CEP126: variants seen among roughly 807,000 people sequenced by gnomAD.
The protein encoded by CEP126 is centrosomal protein 126, also known as centrosomal protein of 126 kDa.
In CEP126, 74 loss-of-function variants were observed where a neutral mutation model predicts 107.8. The observed-to-expected ratio is 0.69, with a 90% CI of 0.57 to 0.83. The LOEUF is 0.83. CEP126 is among the 40% of genes least tolerant of loss of function. The pLI is 0.00. For synonymous variants in CEP126, 449 were observed against 446.0 expected (o/e 1.01, Z -0.08); for missense variants, 1,237 against 1,281.9 (o/e 0.96, Z 0.53).
intron 7 of CEP126, among the ~76,000 whole-genome samples, chr11:101,981,440 C>T (rs1303498753): frequency 4.6e-5 from 7 of 152,234 alleles, no homozygotes; most frequent in African/African-American, 1.4e-4. Context: ...ACCACAGGCA[C>T]GTGCCACAAC....
chr11:101,923,692 T>G (rs1386515373), intron 2 of CEP126, among the ~76,000 whole-genome samples: 1 of 152,174 alleles, frequency 6.6e-6, no homozygotes, highest in African/African-American at 2.4e-5. Context: ...TTCTCCTACC[T>G]TTGGGCTCCT....
chr11:101,978,477 C>A lies in CEP126; in HGVS notation c.2958+18C>A. On this transcript the variant is annotated intron_variant, in intron 7 of 10. Transcript: ENST00000263468. ...AAATTAATGTAAGTATGGTATTAAT[C>A]AAAATCTCTATTCAATATTTAAAAA... 1 of 1,462,588 alleles carries A rather than the reference C, an allele frequency of 6.8e-7. No individual in the cohort carries two copies. The highest frequency in any genetic ancestry group is 9.5e-7 in the Non-Finnish European group (1 of 1,048,418). The allele number at this position is 1,462,588 out of a possible 1,614,324, so 90.6% of individuals were successfully genotyped here. A position where few individuals can be genotyped will look rare whatever the true frequency, so the allele number is the denominator to read the frequency against.
At chr11:101,933,211 T>TA (rs1407149203) in intron 2 of CEP126, among the ~76,000 whole-genome samples, 3 of 152,186 alleles carry the variant, frequency 2.0e-5, no homozygotes, top group Non-Finnish European at 2.9e-5. Context: ...ACACTGAACT[T>TA]ATGATACTTA....
intron 2 of CEP126, among the ~76,000 whole-genome samples, chr11:101,943,771 C>T (rs1430412208): frequency 6.6e-6 from 1 of 151,972 alleles, no homozygotes; most frequent in East Asian, 1.9e-4. Context: ...AACTGGAAAT[C>T]CACATTTTTG....
intron 6 of CEP126, among the ~76,000 whole-genome samples, chr11:101,964,150 A>G (rs1941030026): frequency 6.6e-6 from 1 of 151,408 alleles, no homozygotes. Context: ...TACTAATAGA[A>G]AAGTTAGCCC....
At chr11:101,980,646 T>A (rs146651903) in intron 7 of CEP126, among the ~76,000 whole-genome samples, 115 of 152,320 alleles carry the variant, frequency 7.5e-4, no homozygotes, top group African/African-American at 2.5e-3. Flanking sequence ...TTGTTTTTGT[T>A]TTTTATTCCA....
rs916918363 is a variant in CEP126, at chr11:101,999,536, T to C, written c.*1893T>C. The C allele has an allele frequency of 7.2e-6, 1 of 138,228 alleles. No individual in the cohort carries two copies. Among genetic ancestry groups the C allele is most frequent in the Non-Finnish European group, 1.5e-5 (1 of 64,554 alleles). 8.6% of individuals were successfully genotyped at this position (138,228 alleles called of 1,614,324 possible). A position where few individuals can be genotyped will look rare whatever the true frequency, so the allele number is the denominator to read the frequency against. Reference sequence around the variant, plus strand: ...TAAATAGTAAGCTGGTGAAACAAGATAAGATTTGCATTTTACTAGAACTTG... The same window carrying C: ...TAAATAGTAAGCTGGTGAAACAAGACAAGATTTGCATTTTACTAGAACTTG... On this transcript the variant is annotated 3_prime_UTR_variant, in exon 11 of 11. Transcript: ENST00000263468.
intron 1 of CEP126, among the ~76,000 whole-genome samples, chr11:101,921,378 A>C (rs1412737126): frequency 6.6e-6 from 1 of 152,136 alleles, no homozygotes; most frequent in East Asian, 1.9e-4. Flanking sequence ...TATATTCATG[A>C]CTATGAGGGC....
intron 5 of CEP126, among the ~76,000 whole-genome samples, chr11:101,959,426 T>A (rs1291931943): frequency 6.6e-6 from 1 of 152,124 alleles, no homozygotes; most frequent in Non-Finnish European, 1.5e-5. Context: ...ATGCTGGGAT[T>A]ACAGGCATGA....
intron 9 of CEP126, among the ~76,000 whole-genome samples, chr11:101,989,025 G>T (rs1941345478): frequency 6.6e-6 from 1 of 152,076 alleles, no homozygotes; most frequent in Admixed American, 6.6e-5. Flanking sequence ...CACGTTCTTT[G>T]TAAGTAAACG....
intron 1 of CEP126, chr11:101,916,061 G>C (rs1940205220): frequency 6.6e-6 from 1 of 152,236 alleles, no homozygotes; most frequent in Admixed American, 6.5e-5. Context: ...ATGGAAAGAG[G>C]AGAAGTATTT....
intron 5 of CEP126, among the ~76,000 whole-genome samples, chr11:101,958,876 A>G (rs1940935346): frequency 6.6e-6 from 1 of 152,238 alleles, no homozygotes; most frequent in Non-Finnish European, 1.5e-5. Context: ...AACAGTGGCA[A>G]GGCTAAGAAA....
At chr11:101,957,246 C>T (rs550574524) in intron 4 of CEP126, among the ~76,000 whole-genome samples, 2 of 152,208 alleles carry the variant, frequency 1.3e-5, no homozygotes, top group South Asian at 2.1e-4. Context: ...GCCACTATCA[C>T]CTTCCAAAAC....
intron 4 of CEP126, among the ~76,000 whole-genome samples, chr11:101,955,048 G>A (rs1484551788): frequency 2.0e-5 from 3 of 152,114 alleles, no homozygotes; most frequent in African/African-American, 4.8e-5. Context: ...AATGTTAGTG[G>A]TAGATAAAAA....
rs756169481 is a variant in CEP126, at chr11:101,962,526, G to A, written c.1491G>A (p.Leu497=). Residue 497 remains leucine, a synonymous_variant, in exon 6 of 11, where the codon TTG becomes TTA. Coordinates refer to ENST00000263468, the MANE Select transcript of CEP126 (RefSeq NM_020802.4). ...AVQCSDKLDE[L]KDGKEEEIKY... The stretch of plus-strand genomic sequence containing the variant: ...AGTGTTCTGATAAGTTAGATGAATT[G>A]AAAGATGGTAAAGAAGAAGAGATAA... 1.2e-6 allele frequency: 2 copies of A among 1,612,878 alleles called. No individual in the cohort carries two copies. The highest frequency in any genetic ancestry group is 1.7e-6 in the Non-Finnish European group (2 of 1,179,580).
At chr11:101,949,417 T>C (rs145145811) in intron 4 of CEP126, among the ~76,000 whole-genome samples, 28 of 152,318 alleles carry the variant, frequency 1.8e-4, no homozygotes, top group Non-Finnish European at 3.7e-4. Flanking sequence ...GTAGAAATTA[T>C]ATAGCCTAGA....
intron 6 of CEP126, among the ~76,000 whole-genome samples, chr11:101,975,447 T>A (rs1217135341): frequency 1.3e-5 from 2 of 152,212 alleles, no homozygotes; most frequent in African/African-American, 4.8e-5. Flanking sequence ...CTAGCATATG[T>A]GTAAGAGCTA....
chr11:101,957,187 G>GAT (rs1021492865), intron 4 of CEP126, among the ~76,000 whole-genome samples: 1 of 152,040 alleles, frequency 6.6e-6, no homozygotes, highest in African/African-American at 2.4e-5. Flanking sequence ...TCCAAATAAA[G>GAT]ATATATATAT....
chr11:101,977,168 G>T (rs1259346666), intron 6 of CEP126, among the ~76,000 whole-genome samples: 2 of 152,036 alleles, frequency 1.3e-5, no homozygotes, highest in African/African-American at 4.8e-5. Context: ...TTTTGAATTT[G>T]TGATACCAAG....
Sources: allele counts gnomAD v4.1 joint callset (sites outside exome capture counted in the v4.1 genomes callset), GRCh38; gene constraint gnomAD v4.1.1; transcripts MANE v1.5; gene names NCBI Gene and HGNC (gene_info 2026-07-23, HGNC 2026-07-21).